The following SLC24A3 variants were observed in gnomAD, a reference collection of about 807,000 sequenced individuals.
SLC24A3 encodes the protein solute carrier family 24 member 3.
In SLC24A3, 28 loss-of-function variants were observed where a neutral mutation model predicts 75.8. That is an observed-to-expected ratio of 0.37 (90% CI 0.27 to 0.51). The LOEUF is 0.51. SLC24A3 is among the 20% of genes least tolerant of loss of function. SLC24A3 has a pLI of 0.94. For missense variants in SLC24A3, 663 were observed against 847.8 expected (o/e 0.78, Z 2.71); for synonymous variants, 372 against 334.1 (o/e 1.11, Z -1.24).
intron 2 of SLC24A3, among the ~76,000 whole-genome samples, chr20:19,373,975 A>AG (rs1191755678): frequency 3.9e-5 from 6 of 152,178 alleles, no homozygotes; most frequent in Non-Finnish European, 7.4e-5. Flanking sequence ...AACTGGATGA[A>AG]GGATTCCTTA....
At chr20:19,393,607 A>C (rs1465002944) in intron 2 of SLC24A3, among the ~76,000 whole-genome samples, 1 of 152,174 alleles carries the variant, frequency 6.6e-6, no homozygotes, top group Non-Finnish European at 1.5e-5. Flanking sequence ...TATTTATAAC[A>C]TTATCAAAAA....
chr20:19,352,123 G>A (rs1456737846), intron 2 of SLC24A3, among the ~76,000 whole-genome samples: 4 of 151,996 alleles, frequency 2.6e-5, no homozygotes, highest in Admixed American at 6.6e-5. Context: ...AACCATTGTC[G>A]GTGGGAGGGG....
intron 2 of SLC24A3, among the ~76,000 whole-genome samples, chr20:19,335,994 A>G (rs1020785962): frequency 3.9e-5 from 6 of 152,228 alleles, no homozygotes; most frequent in African/African-American, 1.2e-4. Flanking sequence ...CATCTCTGGT[A>G]CATAATTGCA....
intron 3 of SLC24A3, among the ~76,000 whole-genome samples, chr20:19,542,634 G>A (rs1421181879): frequency 2.6e-5 from 4 of 152,188 alleles, no homozygotes; most frequent in African/African-American, 4.8e-5. Flanking sequence ...CAGCTGACAC[G>A]TCTTTGCTAC....
chr20:19,708,296 G>A (rs2032950850), intron 15 of SLC24A3, among the ~76,000 whole-genome samples: 2 of 152,132 alleles, frequency 1.3e-5, no homozygotes, highest in Admixed American at 6.5e-5. Context: ...AACTCCCTGA[G>A]GGCAGAAACT....
intron 9 of SLC24A3, among the ~76,000 whole-genome samples, chr20:19,678,357 CCCGGA>C (rs911576513): frequency 7.6e-6 from 1 of 130,866 alleles, no homozygotes; most frequent in Admixed American, 7.1e-5. Context: ...CCACCTCCCT[CCCGGA>C]CGGGGCGGCT....
At chr20:19,532,433 G>A (rs986983808) in intron 3 of SLC24A3, among the ~76,000 whole-genome samples, 1 of 152,220 alleles carries the variant, frequency 6.6e-6, no homozygotes, top group African/African-American at 2.4e-5. Flanking sequence ...GGTTCATGGA[G>A]TCACCACCAC....
intron 3 of SLC24A3, among the ~76,000 whole-genome samples, chr20:19,577,072 TGAGACA>T (rs1481439768): frequency 6.6e-6 from 1 of 151,962 alleles, no homozygotes; most frequent in Admixed American, 6.5e-5. Context: ...TTTATTTTTT[TGAGACA>T]GAGTCTCACT....
chr20:19,254,247 A>T (rs1366311678), intron 1 of SLC24A3, among the ~76,000 whole-genome samples: 1 of 152,116 alleles, frequency 6.6e-6, no homozygotes, highest in Non-Finnish European at 1.5e-5. Context: ...GTCTGGCTTC[A>T]TTTGTGAGGT....
At position 19,228,513 on chromosome 20, in the gene SLC24A3, T is replaced by C. The variant is rs572692507; in HGVS notation, c.142+15529T>C. 5.9e-5 allele frequency among the ~76,000 whole-genome samples: 9 copies of C among 151,962 alleles called. No individual in the cohort carries two copies. The South Asian group carries it at 1.9e-3, about 32-fold the overall frequency. On this transcript the variant is annotated intron_variant, in intron 1 of 16. Coordinates refer to ENST00000328041, the MANE Select transcript of SLC24A3 (RefSeq NM_020689.4). ...AATTAGCCGGGCGTGGGCGTGGTGG[T>C]GGGCGCCTGTAGTCTCAGCTACTCG...
intron 2 of SLC24A3, among the ~76,000 whole-genome samples, chr20:19,398,697 G>A (rs1033518244): frequency 6.6e-6 from 1 of 152,040 alleles, no homozygotes; most frequent in African/African-American, 2.4e-5. Flanking sequence ...TATTGCACTG[G>A]CTAGAACTTC....
intron 6 of SLC24A3, among the ~76,000 whole-genome samples, chr20:19,597,323 G>A (rs2031464520): frequency 6.6e-6 from 1 of 152,078 alleles, no homozygotes; most frequent in Admixed American, 6.5e-5. Flanking sequence ...GGTAGTTGAG[G>A]CTGCAGTGAG....
intron 3 of SLC24A3, among the ~76,000 whole-genome samples, chr20:19,576,847 T>C: frequency 6.6e-6 from 1 of 152,320 alleles, no homozygotes; most frequent in East Asian, 1.9e-4. Flanking sequence ...AACAGCTTAT[T>C]TAGATCTTGA....
At chr20:19,564,689 T>TA (rs1439986048) in intron 3 of SLC24A3, among the ~76,000 whole-genome samples, 23 of 152,294 alleles carry the variant, frequency 1.5e-4, no homozygotes, top group Admixed American at 3.9e-4. Flanking sequence ...TCATACACAA[T>TA]CTACATACTA....
At chr20:19,628,202 C>CAAAAAAAAAAAA (rs776701707) in intron 6 of SLC24A3, among the ~76,000 whole-genome samples, 8 of 51,788 alleles carry the variant, frequency 1.5e-4, no homozygotes, top group East Asian at 5.3e-4. Context: ...GACTCCATCT[C>CAAAAAAAAAAAA]AAAAAAAAAA....
At chr20:19,590,435 G>T (rs944954883) in intron 6 of SLC24A3, among the ~76,000 whole-genome samples, 2 of 152,088 alleles carry the variant, frequency 1.3e-5, no homozygotes, top group Admixed American at 6.5e-5. Flanking sequence ...AGAAGCTGGG[G>T]ACAGAGGACA....
chr20:19,282,505 G>A (rs1357278278), intron 2 of SLC24A3, among the ~76,000 whole-genome samples: 1 of 152,250 alleles, frequency 6.6e-6, no homozygotes, highest in East Asian at 1.9e-4. Flanking sequence ...TGAACCACGT[G>A]TACTTTAAGA....
At chr20:19,700,117 G>T (rs189495732) in intron 15 of SLC24A3, among the ~76,000 whole-genome samples, 5 of 152,142 alleles carry the variant, frequency 3.3e-5, no homozygotes, top group Non-Finnish European at 5.9e-5. Flanking sequence ...AACAACTTTC[G>T]CAGAGAAGGT....
At chr20:19,685,434 T>C in intron 12 of SLC24A3, 73 bp downstream of exon 12, 1 of 1,558,972 alleles carries the variant, frequency 6.4e-7, no homozygotes, top group South Asian at 1.2e-5. Flanking sequence ...TGACTTAGAT[T>C]ATCTTTTTAC....
Sources: gnomAD v4.1 joint callset for allele counts (sites outside exome capture counted in the v4.1 genomes callset) on GRCh38, gnomAD v4.1.1 for gene constraint, MANE v1.5 for transcripts, NCBI Gene and HGNC (gene_info 2026-07-23, HGNC 2026-07-21) for gene names.